Variants in FUT8 observed in about 807,000 individuals in gnomAD.
The protein encoded by FUT8 is fucosyltransferase 8, also known as alpha-(1,6)-fucosyltransferase.
A neutral mutation model predicts 71.3 loss-of-function variants in FUT8; 29 were observed. The ratio of observed to expected loss-of-function variants is 0.41; its 90% confidence interval spans 0.30 to 0.55. FUT8 has a LOEUF of 0.55. Ranked by LOEUF, FUT8 falls within the 20% of genes least tolerant of loss-of-function variation. The pLI, the probability that FUT8 is intolerant of heterozygous loss-of-function variation, is 0.34. For synonymous variants in FUT8, 254 were observed against 239.3 expected (o/e 1.06, Z -0.57); for missense variants, 544 against 702.1 (o/e 0.77, Z 2.55).
intron 7 of FUT8, among the ~76,000 whole-genome samples, chr14:65,714,678 G>A (rs1894969392): frequency 6.6e-6 from 1 of 151,918 alleles, no homozygotes; most frequent in African/African-American, 2.4e-5. Context: ...TGGATAGTAT[G>A]GGCATTTTAA....
intron 2 of FUT8, among the ~76,000 whole-genome samples, chr14:65,544,977 C>T (rs1199675162): frequency 6.6e-6 from 1 of 151,698 alleles, no homozygotes; most frequent in East Asian, 1.9e-4. Context: ...TCATCCTCTC[C>T]TCTTCCTTCC....
rs1319711662 is a variant in FUT8, at chr14:65,443,978, A to C, written c.-325-11643A>C. 2.0e-5 allele frequency among the ~76,000 whole-genome samples: 3 copies of C among 152,202 alleles called. No individual in the cohort carries two copies. In the East Asian group the frequency reaches 5.8e-4, roughly 29 times the overall value. On this transcript the variant is annotated intron_variant, in intron 1 of 10. Transcript: ENST00000673929. ...ATAAGTTTTTACTAAAAGTTTATAA[A>C]AAATTTTAATTTAGTAAAACAAATT... is the stretch of plus-strand genomic sequence containing the variant.
At chr14:65,621,279 C>G (rs1361336432) in intron 5 of FUT8, among the ~76,000 whole-genome samples, 1 of 151,384 alleles carries the variant, frequency 6.6e-6, no homozygotes, top group African/African-American at 2.4e-5. Context: ...GAGACAGAGT[C>G]TCGCTCTGTT....
At chr14:65,458,322 C>G (rs772056385) in intron 2 of FUT8, 1 of 151,970 alleles carries the variant, frequency 6.6e-6, no homozygotes, top group Non-Finnish European at 1.5e-5. Context: ...CTTCAAAAGT[C>G]ATCTAGAAAA....
chr14:65,612,064 G>A (rs1022629369), intron 3 of FUT8, among the ~76,000 whole-genome samples: 2 of 152,112 alleles, frequency 1.3e-5, no homozygotes, highest in Non-Finnish European at 2.9e-5. Context: ...TCTAACATCT[G>A]TGTCAGTTTT....
chr14:65,468,820 G>A (rs933537609), intron 2 of FUT8, among the ~76,000 whole-genome samples: 1 of 151,712 alleles, frequency 6.6e-6, no homozygotes, highest in African/African-American at 2.4e-5. Context: ...CTTTCCACAG[G>A]ATCTCACTCT....
chr14:65,658,011 G>A (rs1447694746), intron 6 of FUT8, among the ~76,000 whole-genome samples: 2 of 151,962 alleles, frequency 1.3e-5, no homozygotes, highest in South Asian at 2.1e-4. Flanking sequence ...CAGCAACCCC[G>A]TTAAAGAGGA....
chr14:65,533,765 T>C (rs1341638627), intron 2 of FUT8, among the ~76,000 whole-genome samples: 1 of 152,234 alleles, frequency 6.6e-6, no homozygotes, highest in Non-Finnish European at 1.5e-5. Flanking sequence ...TGTGGGTTTG[T>C]CATAAATGGC....
At position 65,720,630 on chromosome 14, in the gene FUT8, G is replaced by A. The variant is rs115997656; in HGVS notation, c.836-1145G>A. ...AGCCACCTCAGCTGGTGGCTCACTA[G>A]GTTACGTGCCCCCTAGGTCCAATGA... On this transcript the variant is annotated intron_variant, in intron 7 of 10. Coordinates refer to ENST00000673929, the MANE Select transcript of FUT8 (RefSeq NM_001371533.1). Among the ~76,000 whole-genome samples, 516 of 152,252 alleles carry A rather than the reference G, an allele frequency of 3.4e-3. 2 individuals carry two copies. Among genetic ancestry groups the A allele is most frequent in the African/African-American group, 0.012 (489 of 41,556 alleles).
chr14:65,620,842 C>T (rs1393074023), intron 5 of FUT8, among the ~76,000 whole-genome samples: 1 of 152,146 alleles, frequency 6.6e-6, no homozygotes, highest in Non-Finnish European at 1.5e-5. Context: ...GGAATCCAAG[C>T]TTATTTTCAA....
the FUT8 span, among the ~76,000 whole-genome samples, chr14:65,357,962 C>A: frequency 1.4e-4 from 22 of 152,116 alleles, no homozygotes; most frequent in Non-Finnish European, 2.5e-4. Flanking sequence ...CACATGATTT[C>A]CACACATATG....
At chr14:65,694,835 T>C (rs1464312732) in intron 7 of FUT8, among the ~76,000 whole-genome samples, 1 of 138,882 alleles carries the variant, frequency 7.2e-6, no homozygotes, top group African/African-American at 2.7e-5. Context: ...TAGGTGGGAA[T>C]TGAACAATGA....
intron 2 of FUT8, among the ~76,000 whole-genome samples, chr14:65,460,869 C>T (rs1341939495): frequency 3.9e-5 from 6 of 152,028 alleles, no homozygotes; most frequent in African/African-American, 1.2e-4. Context: ...TGAAAACTGC[C>T]GAAGAGTTGA....
chr14:65,711,453 G>C (rs1894808569), intron 7 of FUT8, among the ~76,000 whole-genome samples: 1 of 152,058 alleles, frequency 6.6e-6, no homozygotes, highest in African/African-American at 2.4e-5. Flanking sequence ...TGAATTTATG[G>C]TCATATATGA....
chr14:65,492,308 A>AT (rs2066493583), intron 2 of FUT8, among the ~76,000 whole-genome samples: 1 of 152,182 alleles, frequency 6.6e-6, no homozygotes, highest in African/African-American at 2.4e-5. Context: ...GAGCTATAAC[A>AT]AGTGGAGGCA....
At chr14:65,377,954 G>T in the FUT8 span, among the ~76,000 whole-genome samples, 26 of 152,328 alleles carry the variant, frequency 1.7e-4, no homozygotes, top group African/African-American at 5.8e-4. Flanking sequence ...ACTTCACTTG[G>T]TGGCTGTTTC....
At chr14:65,429,207 T>C (rs1231570859) in intron 1 of FUT8, among the ~76,000 whole-genome samples, 1 of 152,218 alleles carries the variant, frequency 6.6e-6, no homozygotes, top group Non-Finnish European at 1.5e-5. Flanking sequence ...TTGTAACTGC[T>C]TTCAAATAAT....
At chr14:65,692,835 C>T (rs1206567540) in intron 7 of FUT8, among the ~76,000 whole-genome samples, 7 of 150,072 alleles carry the variant, frequency 4.7e-5, no homozygotes, top group African/African-American at 9.9e-5. Context: ...GACGGGGTCA[C>T]GGCCGGGCAG....
chr14:65,405,228 C>T, the FUT8 span, among the ~76,000 whole-genome samples: 3 of 152,144 alleles, frequency 2.0e-5, no homozygotes, highest in Non-Finnish European at 4.4e-5. Flanking sequence ...AATATTTCTG[C>T]TTAGATCTCA....
Sources: allele counts gnomAD v4.1 joint callset (sites outside exome capture counted in the v4.1 genomes callset), GRCh38; gene constraint gnomAD v4.1.1; transcripts MANE v1.5; gene names NCBI Gene and HGNC (gene_info 2026-07-23, HGNC 2026-07-21).